The following OC90 variants were observed in gnomAD, a reference collection of about 807,000 sequenced individuals.
OC90 encodes otoconin 90, also known as otoconin-90.
OC90 carries 46 observed loss-of-function variants against 47.3 expected under a neutral mutation model. The ratio of observed to expected loss-of-function variants is 0.97; its 90% CI spans 0.77 to 1.24. OC90 has a LOEUF of 1.24. Ranked by LOEUF, OC90 falls within the 50% of genes most tolerant of loss-of-function variation. The pLI is 0.00. For synonymous variants in OC90, 271 were observed against 219.5 expected (o/e 1.23, Z -2.07); for missense variants, 688 against 583.9 (o/e 1.18, Z -1.84).
At chr8:132,028,657 A>AGAAG (rs1822810910) in intron 13 of OC90, among the ~76,000 whole-genome samples, 1 of 134,608 alleles carries the variant, frequency 7.4e-6, no homozygotes. Flanking sequence ...GAAGGAAGAA[A>AGAAG]GAAAGAAAGA....
chr8:132,041,440 T>C, intron 5 of OC90, 85 bp downstream of exon 5: 1 of 1,260,694 alleles, frequency 7.9e-7, no homozygotes, highest in East Asian at 2.3e-5. Flanking sequence ...GGGGCTTTTC[T>C]GTATTTGTGC....
rs554299653 is a variant in OC90 at position 132,032,420 on chromosome 8, G to A, written c.860-368C>T. Among the ~76,000 whole-genome samples, 41 of 152,172 alleles carry A rather than the reference G, an allele frequency of 2.7e-4. 1 individual carries two copies. In the South Asian group the frequency reaches 3.3e-3, roughly 12 times the overall value. ...AGCTGAACTCTCATGGTTTCTGGTCGCATCAGGTTAGCACACCTGGCTGGG... is the reference window on the plus strand; with the variant it reads ...AGCTGAACTCTCATGGTTTCTGGTCACATCAGGTTAGCACACCTGGCTGGG... On this transcript the variant is annotated intron_variant, in intron 11 of 13. Transcript: ENST00000254627.
At chr8:132,028,609 G>A (rs13260945) in intron 13 of OC90, among the ~76,000 whole-genome samples, 674 of 27,384 alleles carry the variant, frequency 0.025, 21 homozygotes, top group African/African-American at 0.077. Context: ...GAGGGAAGGA[G>A]GGAAGGAGGA....
intron 13 of OC90, among the ~76,000 whole-genome samples, chr8:132,027,961 T>C (rs1296421885): frequency 3.3e-5 from 5 of 152,218 alleles, no homozygotes; most frequent in African/African-American, 1.2e-4. Flanking sequence ...TCCCACTTAT[T>C]TCTAACTGTG....
chr8:132,028,706 C>CAGAA (rs796523905), intron 13 of OC90, among the ~76,000 whole-genome samples: 50,705 of 112,496 alleles, frequency 0.45, 10,258 homozygotes, highest in East Asian at 0.56. Flanking sequence ...GAAAGAGAGA[C>CAGAA]AGAAAGAAAG....
At chr8:132,040,435 C>T (rs1191228791) in intron 6 of OC90, among the ~76,000 whole-genome samples, 1 of 152,180 alleles carries the variant, frequency 6.6e-6, no homozygotes, top group East Asian at 1.9e-4. Flanking sequence ...TTTGCGTATT[C>T]TACCTCTGCC....
At chr8:132,049,539 A>G (rs948997503) in intron 2 of OC90, among the ~76,000 whole-genome samples, 4 of 152,206 alleles carry the variant, frequency 2.6e-5, no homozygotes, top group Admixed American at 6.5e-5. Context: ...AGGAGTGTTG[A>G]TCTTATAGCC....
At chr8:132,052,880 A>G (rs781033502) in intron 2 of OC90, among the ~76,000 whole-genome samples, 3 of 152,154 alleles carry the variant, frequency 2.0e-5, no homozygotes, top group African/African-American at 7.2e-5. Flanking sequence ...AATGAAACTG[A>G]GACTCTTCGA....
At position 132,037,484 on chromosome 8, in the gene OC90, A is replaced by G; in HGVS notation, c.633T>C (p.Val211=). The G allele has an allele frequency of 6.3e-7, 1 of 1,577,152 alleles. No homozygotes were observed. Among genetic ancestry groups the G allele is most frequent in the South Asian group, 1.2e-5 (1 of 85,876 alleles). ...EDLTTLLPRV[V]PVEPTDTSLT... is the part of the protein sequence containing the mutation. ...GGCTGGTGTCTGTGGGCTCCACAGGAACCACTGGAAAAAGAGAGTTCCCAA... is the reference window on the plus strand; with the variant it reads ...GGCTGGTGTCTGTGGGCTCCACAGGGACCACTGGAAAAAGAGAGTTCCCAA... Residue 211 remains valine, a synonymous_variant, in exon 9 of 14, where the codon GTT becomes GTC. Coordinates refer to ENST00000254627, the MANE Select transcript of OC90 (RefSeq NM_001080399.3).
At chr8:132,026,274 G>A (rs549559302) in intron 13 of OC90, among the ~76,000 whole-genome samples, 2 of 151,968 alleles carry the variant, frequency 1.3e-5, no homozygotes, top group African/African-American at 2.4e-5. Context: ...TGTTATCTGT[G>A]GTTTTCAATG....
intron 9 of OC90, among the ~76,000 whole-genome samples, chr8:132,037,170 C>T (rs1156258203): frequency 6.6e-6 from 1 of 152,226 alleles, no homozygotes; most frequent in South Asian, 2.1e-4. Context: ...CTGTGGCTCA[C>T]AAAGCCTAAA....
chr8:132,032,022 C>T lies in OC90; in HGVS notation c.890G>A (p.Gly297Glu). ...ACDRFTFLHLGSGDNMQVMPQ... is the reference protein window; with the variant it reads ...ACDRFTFLHLESGDNMQVMPQ... The stretch of plus-strand genomic sequence containing the variant: ...CATCACCTGCATGTTGTCCCCACTT[C>T]CCAGGTGCAGGAAGGTGAATCTGTC... Residue 297 changes from glycine to glutamate, a missense_variant, in exon 12 of 14, where the codon GGA becomes GAA. Physicochemically the swap from Gly to Glu is moderately conservative, Grantham distance 98 (BLOSUM62 -2). Coordinates refer to ENST00000254627, the MANE Select transcript of OC90 (RefSeq NM_001080399.3). The T allele has an allele frequency of 6.2e-7, 1 of 1,613,986 alleles. No homozygotes were observed.
intron 10 of OC90, among the ~76,000 whole-genome samples, chr8:132,033,787 G>A (rs771933418): frequency 9.9e-5 from 15 of 152,130 alleles, no homozygotes; most frequent in Admixed American, 2.0e-4. Flanking sequence ...GCTGGAGGCA[G>A]CAAAGTCTCC....
intron 7 of OC90, 27 bp downstream of exon 7, chr8:132,038,968 C>A (rs370423728): frequency 4.3e-6 from 7 of 1,613,508 alleles, no homozygotes; most frequent in South Asian, 2.2e-5. Flanking sequence ...CTCAGCCCCA[C>A]GGCTGATGCA....
chr8:132,035,106 T>G (rs138551092), intron 9 of OC90, among the ~76,000 whole-genome samples: 153 of 152,346 alleles, frequency 1.0e-3, no homozygotes, highest in East Asian at 6.4e-3. Flanking sequence ...ACTTTGGGAA[T>G]GACAGCTTCT....
rs1433538948 is a variant in OC90, at chr8:132,029,199, T to G, written c.1032-20A>C. ...CAGCACCTAAGACCAAGGAAAACCC[T>G]TTACTTCTCAGAGCTCCTGGCTTCC... On this transcript the variant is annotated intron_variant, in intron 12 of 13. Transcript: ENST00000254627. 4.4e-6 allele frequency: 7 copies of G among 1,588,272 alleles called. No individual in the cohort carries two copies. Among genetic ancestry groups the G allele is most frequent in the Non-Finnish European group, 5.2e-6 (6 of 1,156,612 alleles).
In OC90 at chr8:132,038,996, T is replaced by C. The variant is rs1347603309; in HGVS notation, c.585A>G (p.Pro195=). The C allele has an allele frequency of 6.2e-7, 1 of 1,613,828 alleles. No homozygotes were observed. The highest frequency in any genetic ancestry group is 8.5e-7 in the Non-Finnish European group (1 of 1,179,884). Residue 195 remains proline (P), a splice_region_variant and synonymous_variant, in exon 7 of 14, where the codon CCA becomes CCG. Coordinates refer to ENST00000254627, the MANE Select transcript of OC90 (RefSeq NM_001080399.3). The part of the protein sequence containing the change: ...LDTSFCLAQT[P]ETTIKEDLTT... ...CTGATGCAGCCAGGTTCTTCCTACCTGGAGTCTGAGCCAGGCAGAAGGAGG... is the reference window on the plus strand; with the variant it reads ...CTGATGCAGCCAGGTTCTTCCTACCCGGAGTCTGAGCCAGGCAGAAGGAGG...
chr8:132,052,859 A>G (rs1453221819), intron 2 of OC90, among the ~76,000 whole-genome samples: 1 of 152,168 alleles, frequency 6.6e-6, no homozygotes, highest in Non-Finnish European at 1.5e-5. Context: ...TGTCATTACC[A>G]TCTTATAGAC....
intron 12 of OC90, among the ~76,000 whole-genome samples, 157 bp from the exon 13 acceptor site, chr8:132,029,336 C>T (rs1822838404): frequency 1.3e-5 from 2 of 152,200 alleles, no homozygotes; most frequent in South Asian, 2.1e-4. Flanking sequence ...ACACCAAGGG[C>T]CGTCGTGTAT....
Sources: allele counts gnomAD v4.1 joint callset (sites outside exome capture counted in the v4.1 genomes callset), GRCh38; gene constraint gnomAD v4.1.1; transcripts MANE v1.5; gene names NCBI Gene and HGNC (gene_info 2026-07-23, HGNC 2026-07-21).